KCTD1: variants seen among roughly 807,000 people sequenced by gnomAD.
KCTD1 encodes BTB/POZ domain-containing protein KCTD1.
A neutral mutation model predicts 66.0 loss-of-function variants in KCTD1; 24 were observed. That is an observed-to-expected ratio of 0.36 (90% CI 0.26 to 0.51). KCTD1 has a LOEUF of 0.51. Ranked by LOEUF, KCTD1 falls within the 20% of genes least tolerant of loss-of-function variation. KCTD1 has a pLI of 0.95. For missense variants in KCTD1, 943 were observed against 1,205.2 expected, an observed-to-expected ratio of 0.78 and a Z score of 3.22; for synonymous variants, 511 against 517.2, an observed-to-expected ratio of 0.99 and a Z score of 0.16.
upstream of KCTD1, chr18:26,549,844 C>T: frequency 1.0e-6 from 1 of 980,628 alleles, no homozygotes; most frequent in South Asian, 4.7e-5. Context: ...GTCTCGCTTT[C>T]CCATAGGAGA....
intron 1 of KCTD1, among the ~76,000 whole-genome samples, chr18:26,637,279 G>C (rs1002856079): frequency 3.3e-5 from 5 of 152,104 alleles, no homozygotes; most frequent in African/African-American, 9.7e-5. Context: ...TGCTCCTTCT[G>C]AACCCCGGGC....
rs1288124619 is a variant in KCTD1 at position 26,468,128 on chromosome 18, A to G, written c.2134-8203T>C. 6.6e-6 allele frequency among the ~76,000 whole-genome samples: 1 copy of G among 152,252 alleles called. No individual in the cohort carries two copies. Among genetic ancestry groups the G allele is most frequent in the Non-Finnish European group, 1.5e-5 (1 of 68,040 alleles). ...ACCACGTGTGTGTGTGTGCCTATGC[A>G]TGCGTACACGCTCATGTGCAGGGCA... On this transcript the variant is annotated intron_variant, in intron 3 of 4. Coordinates refer to ENST00000580059, the MANE Select transcript of KCTD1 (RefSeq NM_001142730.3). This position sits in a 1 kb window ranked among gnomAD's most constrained non-coding sequence, Gnocchi z 4.8.
At position 26,548,289 on chromosome 18, in the gene KCTD1, C is replaced by T. The variant is rs1408118850; in HGVS notation, c.248G>A (p.Gly83Glu). 3.3e-6 allele frequency: 5 copies of T among 1,509,242 alleles called. No individual in the cohort carries two copies. Among genetic ancestry groups the T allele is most frequent in the Non-Finnish European group, 4.4e-6 (5 of 1,131,866 alleles). The allele number at this position is 1,509,242 out of a possible 1,614,324, so 93.5% of individuals were successfully genotyped here. A position where few individuals can be genotyped will look rare whatever the true frequency, so the allele number is the denominator to read the frequency against. The change falls in exon 1 of 5, where the codon GGG becomes GAG. Residue 83 changes from glycine to glutamate, a missense_variant. Physicochemically the swap from Gly to Glu is moderately conservative, Grantham distance 98 (BLOSUM62 -2). Around this residue, in one of 10 missense-constraint regions of KCTD1, gnomAD observed 236 missense variants for 206.6 expected, o/e 1.14. Transcript: ENST00000580059. ...GDEEEEEDGG[G>E]GLEEDEEEEE... ...CTCCTCCTCGTCCTCCTCCAGCCCCCCACCTCCGTCCTCCTCCTCCTCCTC... is the reference window on the plus strand; with the variant it reads ...CTCCTCCTCGTCCTCCTCCAGCCCCTCACCTCCGTCCTCCTCCTCCTCCTC...
At chr18:26,567,524 G>A (rs912417684) in intron 1 of KCTD1, among the ~76,000 whole-genome samples, 6 of 139,990 alleles carry the variant, frequency 4.3e-5, no homozygotes, top group African/African-American at 1.4e-4. Flanking sequence ...GTCTTACTCT[G>A]TTGCCCAGGC....
In KCTD1 at chr18:26,619,334, A is replaced by C. The variant is rs190610200; in HGVS notation, c.-16+9813T>G. ...AACAGATTTCACTTCTGGTTGTAAA[A>C]AGAATGTATGTTCACTTTTGGCAAT... On this transcript the variant is annotated intron_variant, in intron 1 of 4. Transcript: ENST00000317932. 1.7e-3 allele frequency among the ~76,000 whole-genome samples: 260 copies of C among 152,334 alleles called. 1 individual carries two copies. Among genetic ancestry groups the C allele is most frequent in the Middle Eastern group, 0.01 (3 of 294 alleles).
At position 26,546,930 on chromosome 18, in the gene KCTD1, A is replaced by G; in HGVS notation, c.1607T>C (p.Leu536Pro). The G allele has an allele frequency of 6.8e-7, 1 of 1,473,388 alleles. No individual in the cohort carries two copies. Among genetic ancestry groups the G allele is most frequent in the South Asian group, 1.4e-5 (1 of 71,076 alleles). The allele number at this position is 1,473,388 out of a possible 1,614,324, so 91.3% of individuals were successfully genotyped here. The change falls in exon 1 of 5, where the codon CTG becomes CCG. Residue 536 changes from leucine (L) to proline (P), a missense_variant. Physicochemically the swap from Leu to Pro is moderately conservative, Grantham distance 98 (BLOSUM62 -3). Around this residue, in one of 10 missense-constraint regions of KCTD1, gnomAD observed 197 missense variants for 182.7 expected, o/e 1.08. Transcript: ENST00000580059. ...VKSEAAPKRA[L>P]YESVFGSGEI... ...CCCCGACCCGAACACAGACTCGTAC[A>G]GGGCGCGCTTGGGCGCAGCCTCGGA...
chr18:26,637,722 G>C (rs1304744878), intron 1 of KCTD1, among the ~76,000 whole-genome samples: 2 of 152,246 alleles, frequency 1.3e-5, no homozygotes, highest in Non-Finnish European at 2.9e-5. Flanking sequence ...TAGAGGCAGT[G>C]TCTCTAATGG....
chr18:26,500,985 G>A (rs1157810208), intron 2 of KCTD1, 87 bp downstream of exon 2: 13 of 1,434,924 alleles, frequency 9.1e-6, no homozygotes, highest in East Asian at 2.3e-5. Flanking sequence ...CTGCCTCCAC[G>A]AGGCTACACT....
At chr18:26,484,655 G>T (rs2144627619) in intron 2 of KCTD1, among the ~76,000 whole-genome samples, 1 of 152,240 alleles carries the variant, frequency 6.6e-6, no homozygotes, top group East Asian at 1.9e-4. Flanking sequence ...TAGACTTTTT[G>T]TTTCTTCATT....
chr18:26,528,695 G>C (rs909724345), intron 1 of KCTD1, among the ~76,000 whole-genome samples: 1 of 152,144 alleles, frequency 6.6e-6, no homozygotes, highest in South Asian at 2.1e-4. Context: ...TTCTTGCAGA[G>C]ATGACTAATG....
chr18:26,579,895 A>C (rs2144918300), intron 1 of KCTD1, among the ~76,000 whole-genome samples: 1 of 152,248 alleles, frequency 6.6e-6, no homozygotes, highest in South Asian at 2.1e-4. Context: ...TTTGAGTCAC[A>C]AAGGAAGTAT....
At chr18:26,643,379 T>C (rs904634546), upstream of KCTD1, among the ~76,000 whole-genome samples, 5 of 152,000 alleles carry the variant, frequency 3.3e-5, no homozygotes, top group African/African-American at 1.2e-4. Context: ...AATTCGGGGG[T>C]ACACAAAAAG....
chr18:26,485,693 A>C (rs1981880608), intron 2 of KCTD1, among the ~76,000 whole-genome samples: 1 of 152,082 alleles, frequency 6.6e-6, no homozygotes, highest in Non-Finnish European at 1.5e-5. Context: ...TTATTTGGGC[A>C]GGCAAGCATG....
At chr18:26,543,259 C>G (rs1295889731) in intron 1 of KCTD1, 1 of 152,012 alleles carries the variant, frequency 6.6e-6, no homozygotes, top group African/African-American at 2.4e-5. Flanking sequence ...AGAAAAATAC[C>G]CACTCTTTAA....
In KCTD1 at chr18:26,476,475, A is replaced by C. The variant is rs1567960531; in HGVS notation, c.2133+40T>G. 1 of 1,565,138 alleles carries C rather than the reference A, an allele frequency of 6.4e-7. No individual in the cohort carries two copies. Among genetic ancestry groups the C allele is most frequent in the South Asian group, 1.2e-5 (1 of 83,782 alleles). On this transcript the variant is annotated intron_variant, in intron 3 of 4. Coordinates refer to ENST00000580059, the MANE Select transcript of KCTD1 (RefSeq NM_001142730.3). This position sits in a 1 kb window ranked among gnomAD's most constrained non-coding sequence, Gnocchi z 4.9. Reference sequence around the variant, plus strand: ...TTTTTTTGGAGCACATAAAAAAATCACATATTTATGCTATTGGTGATTTAA... The same window carrying C: ...TTTTTTTGGAGCACATAAAAAAATCCCATATTTATGCTATTGGTGATTTAA...
chr18:26,524,264 G>A (rs976063732), intron 1 of KCTD1, among the ~76,000 whole-genome samples: 1 of 152,150 alleles, frequency 6.6e-6, no homozygotes, highest in African/African-American at 2.4e-5. Flanking sequence ...GGGCCAAGGT[G>A]AAGGCGCCAA....
chr18:26,582,374 A>G (rs1244076395), intron 1 of KCTD1, among the ~76,000 whole-genome samples: 1 of 152,202 alleles, frequency 6.6e-6, no homozygotes. Flanking sequence ...CACTCATAAG[A>G]GAAAAGCAAA....
chr18:26,596,681 G>GA (rs1436793431), intron 1 of KCTD1, among the ~76,000 whole-genome samples: 1 of 152,166 alleles, frequency 6.6e-6, no homozygotes, highest in Non-Finnish European at 1.5e-5. Context: ...TTCTTCTTCT[G>GA]AAAAATGGAG....
At chr18:26,479,107 TAAA>T (rs1981493718) in intron 2 of KCTD1, among the ~76,000 whole-genome samples, 1 of 152,146 alleles carries the variant, frequency 6.6e-6, no homozygotes, top group Non-Finnish European at 1.5e-5. Flanking sequence ...CCAATGTAGT[TAAA>T]ATAGAAAAAA....
Sources: allele counts gnomAD v4.1 joint callset (sites outside exome capture counted in the v4.1 genomes callset), GRCh38; gene constraint gnomAD v4.1.1; regional missense constraint gnomAD v4.1.1; non-coding constraint Gnocchi (gnomAD v3.1); transcripts MANE v1.5; gene names NCBI Gene and HGNC (gene_info 2026-07-23, HGNC 2026-07-21).